Variants in ARG2 observed in about 807,000 individuals in gnomAD.
ARG2 encodes arginase-2, mitochondrial.
In ARG2, 21 loss-of-function variants were observed where a neutral mutation model predicts 39.4. The ratio of observed to expected loss-of-function variants is 0.53; its 90% CI spans 0.38 to 0.77. The LOEUF (loss-of-function observed/expected upper bound fraction) is 0.77, where lower values mean the gene tolerates loss of function less well. Ranked by LOEUF, ARG2 falls within the 30% of genes least tolerant of loss-of-function variation. The pLI, the probability that ARG2 is intolerant of heterozygous loss-of-function variation, is 0.00. For missense variants in ARG2, 378 were observed against 426.2 expected, an observed-to-expected ratio of 0.89 and a Z score of 1.00; for synonymous variants, 150 against 156.7, an observed-to-expected ratio of 0.96 and a Z score of 0.32.
rs2037171651 is a variant in ARG2, at chr14:67,651,252, C to T, written c.*332C>T. 2 of 1,534,582 alleles carry T rather than the reference C, an allele frequency of 1.3e-6. No individual in the cohort carries two copies. Among genetic ancestry groups the T allele is most frequent in the South Asian group, 1.3e-5 (1 of 79,884 alleles). ...TGGTTTTTCATCTTTCCTCCCTCCTCCCACAGCCTGGCTATACAGTGCATC... is the reference window on the plus strand; with the variant it reads ...TGGTTTTTCATCTTTCCTCCCTCCTTCCACAGCCTGGCTATACAGTGCATC... On this transcript the variant is annotated 3_prime_UTR_variant, in exon 8 of 8. Transcript: ENST00000261783.
chr14:67,627,932 T>C (rs2036884369), intron 2 of ARG2, among the ~76,000 whole-genome samples: 2 of 152,128 alleles, frequency 1.3e-5, no homozygotes, highest in Admixed American at 6.5e-5. Flanking sequence ...CTGGGTTCTT[T>C]GACTTCTAAA....
chr14:67,651,637 TGTCACTTA>T lies in ARG2; in HGVS notation c.*719_*726del. On this transcript the variant is annotated 3_prime_UTR_variant, in exon 8 of 8. Transcript: ENST00000261783. ...GGAAGTACTCATAAGGTTCTTTAGC[TGTCACTTA>T]GGGATAACACTGTCTACCTCACAGA... is the stretch of plus-strand genomic sequence containing the variant. The T allele has an allele frequency of 2.7e-6, 2 of 731,292 alleles. No homozygotes were observed. The highest frequency in any genetic ancestry group is 4.3e-6 in the Non-Finnish European group (2 of 467,534). The allele number at this position is 731,292 out of a possible 1,614,324, so 45.3% of individuals were successfully genotyped here. A position where few individuals can be genotyped will look rare whatever the true frequency, so the allele number is the denominator to read the frequency against.
At position 67,651,470 on chromosome 14, in the gene ARG2, T is replaced by C; in HGVS notation, c.*550T>C. ...GATGATAATGGAAAGCAGCAGCTTG[T>C]TGGTTGTCACTCTACAAAGAGAAGC... On this transcript the variant is annotated 3_prime_UTR_variant, in exon 8 of 8. Coordinates refer to ENST00000261783, the MANE Select transcript of ARG2 (RefSeq NM_001172.4). 1.2e-6 allele frequency: 2 copies of C among 1,613,808 alleles called. No homozygotes were observed. The highest frequency in any genetic ancestry group is 1.7e-6 in the Non-Finnish European group (2 of 1,179,732).
At chr14:67,644,452 T>A (rs2037070700) in intron 3 of ARG2, among the ~76,000 whole-genome samples, 2 of 152,314 alleles carry the variant, frequency 1.3e-5, no homozygotes, top group Non-Finnish European at 2.9e-5. Context: ...GACCATGCTA[T>A]TCCTCAAAAG....
chr14:67,642,085 TATG>T (rs2037037816), intron 2 of ARG2, 98 bp from the exon 3 acceptor site: 2 of 1,127,134 alleles, frequency 1.8e-6, no homozygotes, highest in Non-Finnish European at 2.6e-6. Flanking sequence ...ACAAAATGAT[TATG>T]ATGTGTACTT....
intron 1 of ARG2, among the ~76,000 whole-genome samples, chr14:67,620,386 G>A (rs2036796749): frequency 1.3e-5 from 2 of 152,044 alleles, no homozygotes; most frequent in South Asian, 4.2e-4. Flanking sequence ...GTAATGGAGG[G>A]GAGAGAATGA....
intron 2 of ARG2, 57 bp downstream of exon 2, chr14:67,621,023 T>C (rs1594820542): frequency 2.6e-6 from 4 of 1,513,448 alleles, no homozygotes; most frequent in East Asian, 2.3e-5. Flanking sequence ...CACTTCAGAG[T>C]CTTTTCTCTG....
At position 67,642,361 on chromosome 14, in the gene ARG2, C is replaced by A; in HGVS notation, c.360C>A (p.His120Gln). Residue 120 changes from histidine to glutamine, a missense_variant and splice_region_variant, in exon 3 of 8, where the codon CAC (histidine) becomes CAA (glutamine). By Grantham distance (24) the His-to-Gln change is conservative. Transcript: ENST00000261783. ...GCTGTGTCACACTGGGAGGAGACCA[C>A]AGGTAAGCTGGGAGCCAGGCGTGGT... Reference protein sequence around the residue: ...GYSCVTLGGDHSLAIGTISGH... With the variant: ...GYSCVTLGGDQSLAIGTISGH... The A allele has an allele frequency of 1.2e-6, 2 of 1,613,572 alleles. No homozygotes were observed. Among genetic ancestry groups the A allele is most frequent in the Non-Finnish European group, 1.7e-6 (2 of 1,179,878 alleles).
chr14:67,621,812 A>G (rs1262015198), intron 2 of ARG2, among the ~76,000 whole-genome samples: 1 of 151,528 alleles, frequency 6.6e-6, no homozygotes, highest in East Asian at 2.0e-4. Flanking sequence ...GAATACCTTT[A>G]TAAGCAGGGT....
intron 6 of ARG2, 177 bp from the exon 7 acceptor site, chr14:67,647,870 G>A: frequency 4.7e-6 from 3 of 643,416 alleles, no homozygotes; most frequent in South Asian, 4.1e-5. Flanking sequence ...AGTTAATATT[G>A]CCAATCTCAG....
rs760901118 is a variant in ARG2, at chr14:67,642,309, T to C, written c.308T>C (p.Val103Ala). ...GLANQELAEV[V>A]SRAVSDGYSC... is the part of the protein sequence containing the mutation. ...GCCAACCAGGAACTGGCTGAGGTGG[T>C]TAGCAGAGCTGTGTCAGATGGCTAC... The change falls in exon 3 of 8, where the codon GTT (valine) becomes GCT (alanine). Residue 103 changes from valine (V) to alanine (A), a missense_variant. Val to Ala is a moderately conservative substitution (Grantham distance 64, BLOSUM62 0). Transcript: ENST00000261783. 1.2e-6 allele frequency: 2 copies of C among 1,614,080 alleles called. No homozygotes were observed. Among genetic ancestry groups the C allele is most frequent in the Non-Finnish European group, 1.7e-6 (2 of 1,179,990 alleles).
Position 67,651,013 on chromosome 14 carries a change from A to C in ARG2, c.*93A>C. On this transcript the variant is annotated 3_prime_UTR_variant, in exon 8 of 8. Coordinates refer to ENST00000261783, the MANE Select transcript of ARG2 (RefSeq NM_001172.4). ...GAATACTAAATGGTTGTCTGGGTCA[A>C]TACTGCCTTAATGAGAACATTTACA... The C allele has an allele frequency of 7.8e-7, 1 of 1,281,868 alleles. No individual in the cohort carries two copies. Among genetic ancestry groups the C allele is most frequent in the Non-Finnish European group, 1.1e-6 (1 of 908,190 alleles). The allele number at this position is 1,281,868 out of a possible 1,614,324, so 79.4% of individuals were successfully genotyped here.
At chr14:67,645,017 T>A (rs977596776) in intron 3 of ARG2, among the ~76,000 whole-genome samples, 19 of 123,616 alleles carry the variant, frequency 1.5e-4, no homozygotes, top group Admixed American at 9.3e-5. Flanking sequence ...AAAAAAAAAT[T>A]GAATGCCATG....
intron 2 of ARG2, among the ~76,000 whole-genome samples, chr14:67,626,604 G>A (rs902488388): frequency 1.3e-5 from 2 of 152,044 alleles, no homozygotes; most frequent in Non-Finnish European, 2.9e-5. Context: ...CTGAGTACCT[G>A]GGACCACAGG....
rs888436207 is a variant in ARG2, at chr14:67,648,264, G to C, written c.859+81G>C. On this transcript the variant is annotated intron_variant, in intron 7 of 7. Coordinates refer to ENST00000261783, the MANE Select transcript of ARG2 (RefSeq NM_001172.4). ...CTCTTGCCTGCAAAGGATCTTTTCTGCTATTCCACATCATTGCAGAGTTTG... is the reference window on the plus strand; with the variant it reads ...CTCTTGCCTGCAAAGGATCTTTTCTCCTATTCCACATCATTGCAGAGTTTG... 4 of 1,472,338 alleles carry C rather than the reference G, an allele frequency of 2.7e-6. No homozygotes were observed. In the African/African-American group the frequency reaches 5.7e-5, roughly 21 times the overall value. The allele number at this position is 1,472,338 out of a possible 1,614,324, so 91.2% of individuals were successfully genotyped here. A position where few individuals can be genotyped will look rare whatever the true frequency, so the allele number is the denominator to read the frequency against.
intron 2 of ARG2, among the ~76,000 whole-genome samples, chr14:67,629,687 T>C (rs2036899224): frequency 2.0e-5 from 3 of 152,248 alleles, no homozygotes; most frequent in Admixed American, 2.0e-4. Flanking sequence ...CCCAGATTTC[T>C]TTTTTAATAG....
At chr14:67,620,122 T>G in intron 1 of ARG2, 34 bp downstream of exon 1, 2 of 1,476,882 alleles carry the variant, frequency 1.4e-6, no homozygotes, top group Non-Finnish European at 1.9e-6. Flanking sequence ...CCGGGCAGGA[T>G]CCTCCGCCCC....
At chr14:67,632,528 A>G (rs1197309272) in intron 2 of ARG2, among the ~76,000 whole-genome samples, 2 of 152,100 alleles carry the variant, frequency 1.3e-5, no homozygotes, top group African/African-American at 4.8e-5. Context: ...GGTTTTGCAA[A>G]TTGGAGCAAG....
At chr14:67,636,836 T>C (rs974441460) in intron 2 of ARG2, among the ~76,000 whole-genome samples, 9 of 152,218 alleles carry the variant, frequency 5.9e-5, no homozygotes, top group African/African-American at 2.2e-4. Context: ...ACATGAGAAC[T>C]TCCTTGAAAT....
Sources: gnomAD v4.1 joint callset for allele counts (sites outside exome capture counted in the v4.1 genomes callset) on GRCh38, gnomAD v4.1.1 for gene constraint, MANE v1.5 for transcripts, NCBI Gene and HGNC (gene_info 2026-07-23, HGNC 2026-07-21) for gene names.